Variants in PEX12 observed in about 807,000 individuals in gnomAD.
PEX12 encodes peroxisomal biogenesis factor 12, also known as peroxisome assembly protein 12.
Under a neutral mutation model 32.5 loss-of-function variants are expected in PEX12, and 31 were observed. The ratio of observed to expected loss-of-function variants is 0.95; its 90% confidence interval spans 0.72 to 1.29. The LOEUF is 1.29. Among genes scored for constraint, PEX12 ranks in the 50% most tolerant of loss-of-function variants. PEX12 has a pLI of 0.00. For synonymous variants in PEX12, 148 were observed against 157.2 expected (o/e 0.94, Z 0.44); for missense variants, 359 against 419.0 (o/e 0.86, Z 1.25).
Position 35,575,790 on chromosome 17 carries a change from C to A in PEX12, c.1072G>T (p.Glu358Ter). The A allele has an allele frequency of 6.2e-7, 1 of 1,614,114 alleles. No individual in the cohort carries two copies. Among genetic ancestry groups the A allele is most frequent in the East Asian group, 2.2e-5 (1 of 44,888 alleles). The change falls in exon 3 of 3, where the codon GAG (glutamate) becomes TAG (stop). Residue 358 changes from glutamate (E) to a stop codon, truncating the protein, a stop_gained. Transcript: ENST00000225873. LOFTEE classifies it high-confidence loss of function. ...TAAGACATGATTCCCTTTCAGTTCT[C>A]AGGGGAGTAGAGTTTAATCAGATGT... ...VQHLIKLYSP[E>*]N
In PEX12 at chr17:35,575,722, A is replaced by G; in HGVS notation, c.*60T>C. The G allele has an allele frequency of 1.3e-6, 2 of 1,525,310 alleles. No individual in the cohort carries two copies. The highest frequency in any genetic ancestry group is 1.8e-6 in the Non-Finnish European group (2 of 1,099,396). 94.5% of individuals were successfully genotyped at this position (1,525,310 alleles called of 1,614,324 possible). A position where few individuals can be genotyped will look rare whatever the true frequency, so the allele number is the denominator to read the frequency against. On this transcript the variant is annotated 3_prime_UTR_variant, in exon 3 of 3. Transcript: ENST00000225873. ...AGTGTCAACTCAATACCATGCTGAA[A>G]CCAGCTCTGTGACATTACAGCGCAA...
chr17:35,577,626 C>T (rs760582512), intron 1 of PEX12, 35 bp from the exon 2 acceptor site: 1 of 1,583,264 alleles, frequency 6.3e-7, no homozygotes, highest in Admixed American at 1.7e-5. Flanking sequence ...GAAATTCATT[C>T]CATTACACAA....
chr17:35,576,275 A>G (rs1404192408), intron 2 of PEX12, 94 bp from the exon 3 acceptor site: 8 of 1,209,604 alleles, frequency 6.6e-6, no homozygotes, highest in Non-Finnish European at 8.4e-6. Context: ...TACATTTTTC[A>G]TCAGAATCAC....
In PEX12 at chr17:35,575,425, C is replaced by T. The variant is rs570468178; in HGVS notation, c.*357G>A. On this transcript the variant is annotated 3_prime_UTR_variant, in exon 3 of 3. Coordinates refer to ENST00000225873, the MANE Select transcript of PEX12 (RefSeq NM_000286.3). ...CTCACTGTTCACTTTATTTTTTATGCGGTCTAACCTGGGTTTTTCGTAAGA... is the reference window on the plus strand; with the variant it reads ...CTCACTGTTCACTTTATTTTTTATGTGGTCTAACCTGGGTTTTTCGTAAGA... The T allele has an allele frequency of 7.5e-5, 15 of 199,890 alleles. No homozygotes were observed. The highest frequency in any genetic ancestry group is 4.7e-4 in the South Asian group (5 of 10,604). The allele number at this position is 199,890 out of a possible 1,614,324, so 12.4% of individuals were successfully genotyped here. A position where few individuals can be genotyped will look rare whatever the true frequency, so the allele number is the denominator to read the frequency against.
rs903212258 is a variant in PEX12 at position 35,578,409 on chromosome 17, A to C, written c.-388T>G. 6.0e-6 allele frequency: 2 copies of C among 333,388 alleles called. No individual in the cohort carries two copies. Among genetic ancestry groups the C allele is most frequent in the Admixed American group, 4.0e-5 (1 of 24,966 alleles). 20.7% of individuals were successfully genotyped at this position (333,388 alleles called of 1,614,324 possible). A position where few individuals can be genotyped will look rare whatever the true frequency, so the allele number is the denominator to read the frequency against. ...ATCGTGAGAGCTCAAAAGCCAGCCG[A>C]CTCTGAGGATTCAGTCGTGCCACTG... On this transcript the variant is annotated 5_prime_UTR_variant, in exon 1 of 3. Coordinates refer to ENST00000225873, the MANE Select transcript of PEX12 (RefSeq NM_000286.3).
chr17:35,578,206 G>T lies in PEX12; in HGVS notation c.-185C>A. Reference sequence around the variant, plus strand: ...GGGAAAAAAAGACCTGGAGGCCGAGGGTAGTCTCAAGAAGGTTAAGAACAA... The same window carrying T: ...GGGAAAAAAAGACCTGGAGGCCGAGTGTAGTCTCAAGAAGGTTAAGAACAA... On this transcript the variant is annotated 5_prime_UTR_variant, in exon 1 of 3. Coordinates refer to ENST00000225873, the MANE Select transcript of PEX12 (RefSeq NM_000286.3). 1.4e-6 allele frequency: 1 copy of T among 691,830 alleles called. No individual in the cohort carries two copies. Among genetic ancestry groups the T allele is most frequent in the Non-Finnish European group, 2.5e-6 (1 of 401,242 alleles). The allele number at this position is 691,830 out of a possible 1,614,324, so 42.9% of individuals were successfully genotyped here. A position where few individuals can be genotyped will look rare whatever the true frequency, so the allele number is the denominator to read the frequency against.
rs1243883362 is a variant in PEX12, at chr17:35,577,532, G to A, written c.186C>T (p.Ile62=). Residue 62 remains isoleucine, a synonymous_variant, in exon 2 of 3, where the codon ATC becomes ATT. Coordinates refer to ENST00000225873, the MANE Select transcript of PEX12 (RefSeq NM_000286.3). ...YGFLWRWFDE[I]FTLLDLLLQQ... is the part of the protein sequence containing the mutation. Reference sequence around the variant, plus strand: ...GGAGCAGAAGATCTAGCAGAGTAAAGATTTCATCAAACCACCTCCACAAGA... The same window carrying A: ...GGAGCAGAAGATCTAGCAGAGTAAAAATTTCATCAAACCACCTCCACAAGA... 1 of 1,613,710 alleles carries A rather than the reference G, an allele frequency of 6.2e-7. No homozygotes were observed. Among genetic ancestry groups the A allele is most frequent in the Non-Finnish European group, 8.5e-7 (1 of 1,180,012 alleles).
chr17:35,577,519 C>A lies in PEX12; in HGVS notation c.199G>T (p.Asp67Tyr), dbSNP rs1345176417. 4 of 1,613,736 alleles carry A rather than the reference C, an allele frequency of 2.5e-6. No homozygotes were observed. Among genetic ancestry groups the A allele is most frequent in the Non-Finnish European group, 3.4e-6 (4 of 1,180,022 alleles). ...AGATAATGTTGCTGGAGCAGAAGAT[C>A]TAGCAGAGTAAAGATTTCATCAAAC... The part of the protein sequence containing the change: ...RWFDEIFTLL[D>Y]LLLQQHYLSR... Residue 67 changes from aspartate to tyrosine, a missense_variant, in exon 2 of 3, where the codon GAT becomes TAT. By Grantham distance (160) the Asp-to-Tyr change is radical. Coordinates refer to ENST00000225873, the MANE Select transcript of PEX12 (RefSeq NM_000286.3).
Position 35,578,343 on chromosome 17 carries a change from A to G in PEX12, c.-322T>C, listed in dbSNP as rs552011285. ...GGACAGGTATGGGGGAAGGAACGCA[A>G]TCCTCTGGAGCTGCGAACCAGAAAC... On this transcript the variant is annotated 5_prime_UTR_variant, in exon 1 of 3. Transcript: ENST00000225873. The G allele has an allele frequency of 6.6e-5, 24 of 365,032 alleles. No homozygotes were observed. The highest frequency in any genetic ancestry group is 1.1e-5 in the Non-Finnish European group (2 of 187,546). 22.6% of individuals were successfully genotyped at this position (365,032 alleles called of 1,614,324 possible).
chr17:35,577,279 G>A lies in PEX12; in HGVS notation c.439C>T (p.Pro147Ser). Residue 147 changes from proline to serine, a missense_variant, in exon 2 of 3, where the codon CCC becomes TCC. Transcript: ENST00000225873. ...AATCGTTTCCAGCGGGAAGAAGGGG[G>A]ATGAATAGAATATTCATCCTCTTCT... ...LREEDEYSIHPPSSRWKRFYR... is the reference protein window; with the variant it reads ...LREEDEYSIHSPSSRWKRFYR... The A allele has an allele frequency of 6.2e-7, 1 of 1,614,066 alleles. No individual in the cohort carries two copies. Among genetic ancestry groups the A allele is most frequent in the Non-Finnish European group, 8.5e-7 (1 of 1,179,964 alleles).
At position 35,575,620 on chromosome 17, in the gene PEX12, G is replaced by A. The variant is rs2072779970; in HGVS notation, c.*162C>T. On this transcript the variant is annotated 3_prime_UTR_variant, in exon 3 of 3. Coordinates refer to ENST00000225873, the MANE Select transcript of PEX12 (RefSeq NM_000286.3). Reference sequence around the variant, plus strand: ...TTCTAGAGAGCAGGCTAAAAGGTTAGGATCAAATGGGCATATCCTTTTAAA... The same window carrying A: ...TTCTAGAGAGCAGGCTAAAAGGTTAAGATCAAATGGGCATATCCTTTTAAA... The A allele has an allele frequency of 1.4e-6, 1 of 738,342 alleles. No individual in the cohort carries two copies. Among genetic ancestry groups the A allele is most frequent in the Non-Finnish European group, 2.4e-6 (1 of 424,880 alleles). 45.7% of individuals were successfully genotyped at this position (738,342 alleles called of 1,614,324 possible).
intron 2 of PEX12, among the ~76,000 whole-genome samples, chr17:35,576,835 G>A (rs1392160925): frequency 6.6e-6 from 1 of 152,124 alleles, no homozygotes; most frequent in Non-Finnish European, 1.5e-5. Context: ...CACAGGGCCT[G>A]GGACATAGCA....
rs1327528259 is a variant in PEX12 at position 35,578,384 on chromosome 17, A to G, written c.-363T>C. ...AACCAGAAACGCCCCCTCCTCCCCAATCGTGAGAGCTCAAAAGCCAGCCGA... is the reference window on the plus strand; with the variant it reads ...AACCAGAAACGCCCCCTCCTCCCCAGTCGTGAGAGCTCAAAAGCCAGCCGA... On this transcript the variant is annotated 5_prime_UTR_variant, in exon 1 of 3. Transcript: ENST00000225873. The G allele has an allele frequency of 5.7e-6, 2 of 348,798 alleles. No homozygotes were observed. Among genetic ancestry groups the G allele is most frequent in the South Asian group, 2.3e-5 (1 of 44,282 alleles). The allele number at this position is 348,798 out of a possible 1,614,324, so 21.6% of individuals were successfully genotyped here.
chr17:35,576,306 A>T lies in PEX12; in HGVS notation c.681-125T>A, dbSNP rs796327178. 10 of 831,726 alleles carry T rather than the reference A, an allele frequency of 1.2e-5. No homozygotes were observed. In the African/African-American group the frequency reaches 1.7e-4, roughly 14 times the overall value. The allele number at this position is 831,726 out of a possible 1,614,324, so 51.5% of individuals were successfully genotyped here. ...ATCACTGGGGGACTGAATGGTTGGT[A>T]GACTGGTACTATCTCCTTAAGGATC... is the stretch of plus-strand genomic sequence containing the variant. On this transcript the variant is annotated intron_variant, in intron 2 of 2. Transcript: ENST00000225873.
chr17:35,576,389 T>C (rs1199038351), intron 2 of PEX12, among the ~76,000 whole-genome samples: 3 of 152,086 alleles, frequency 2.0e-5, no homozygotes. Context: ...AGCTTTGTTT[T>C]TAGTAACATG....
At chr17:35,576,757 G>A (rs1442690533) in intron 2 of PEX12, among the ~76,000 whole-genome samples, 3 of 152,108 alleles carry the variant, frequency 2.0e-5, no homozygotes, top group Non-Finnish European at 4.4e-5. Context: ...CCTCAACTGT[G>A]AGCTAATACA....
rs1406752559 is a variant in PEX12 at position 35,576,161 on chromosome 17, G to A, written c.701C>T (p.Ser234Leu). The change falls in exon 3 of 3, where the codon TCA becomes TTA. Residue 234 changes from serine (S) to leucine (L), a missense_variant. Physicochemically the swap from Ser to Leu is moderately radical, Grantham distance 145. Transcript: ENST00000225873. Reference sequence around the variant, plus strand: ...ACCCCCAACAGCTTTCTTCAGAGCTGAGTTTATCTTCTCACTAACACTGTT... The same window carrying A: ...ACCCCCAACAGCTTTCTTCAGAGCTAAGTTTATCTTCTCACTAACACTGTT... ...PARSVSEKIN[S>L]ALKKAVGGVA... 1.2e-6 allele frequency: 2 copies of A among 1,614,068 alleles called. No homozygotes were observed. The highest frequency in any genetic ancestry group is 1.7e-6 in the Non-Finnish European group (2 of 1,180,006).
In PEX12 at chr17:35,577,076, T is replaced by C; in HGVS notation, c.642A>G (p.Lys214=). ...GCTGCATCATGCTGGCCTTAGCTGG[T>C]TTGTGCTCCAGAGCTTGTATATCCT... The part of the protein sequence containing the change: ...TVQDIQALEH[K]PAKASMMQQP... The change falls in exon 2 of 3, where the codon AAA becomes AAG. Residue 214 remains lysine, a synonymous_variant. Transcript: ENST00000225873. The C allele has an allele frequency of 6.2e-7, 1 of 1,614,164 alleles. No individual in the cohort carries two copies. The highest frequency in any genetic ancestry group is 1.3e-5 in the African/African-American group (1 of 75,050).
Position 35,575,997 on chromosome 17 carries a change from C to T in PEX12, c.865G>A (p.Asp289Asn). ...LPTPPPPVHLDYNSDSPLLPK... is the reference protein window; with the variant it reads ...LPTPPPPVHLNYNSDSPLLPK... The stretch of plus-strand genomic sequence containing the variant: ...AAGAGGGGAGAATCAGAGTTATAGT[C>T]TAGGTGTACAGGTGGTGGTGGAGTA... Residue 289 changes from aspartate to asparagine, a missense_variant, in exon 3 of 3, where the codon GAC becomes AAC. Transcript: ENST00000225873. The T allele has an allele frequency of 1.2e-6, 2 of 1,614,112 alleles. No homozygotes were observed. The highest frequency in any genetic ancestry group is 1.7e-6 in the Non-Finnish European group (2 of 1,180,008).
Sources: allele counts gnomAD v4.1 joint callset (sites outside exome capture counted in the v4.1 genomes callset), GRCh38; gene constraint gnomAD v4.1.1; transcripts MANE v1.5; gene names NCBI Gene and HGNC (gene_info 2026-07-23, HGNC 2026-07-21).